The following DTNB variants were observed in gnomAD, a reference collection of about 807,000 sequenced individuals.
DTNB encodes dystrobrevin beta.
In DTNB, 63 loss-of-function variants were observed where a neutral mutation model predicts 90.7. The observed-to-expected ratio is 0.69, with a 90% CI of 0.57 to 0.86. DTNB has a LOEUF of 0.86. Among genes scored for constraint, DTNB ranks in the 40% least tolerant of loss-of-function variants. The pLI, the probability that DTNB is intolerant of heterozygous loss-of-function variation, is 0.00. For missense variants in DTNB, 744 were observed against 807.1 expected, an observed-to-expected ratio of 0.92 and a Z score of 0.95; for synonymous variants, 277 against 286.7, an observed-to-expected ratio of 0.97 and a Z score of 0.34.
At chr2:25,603,916 T>C (rs923843179) in intron 5 of DTNB, among the ~76,000 whole-genome samples, 1 of 152,190 alleles carries the variant, frequency 6.6e-6, no homozygotes, top group African/African-American at 2.4e-5. Context: ...AAGTAGGACA[T>C]TGCTGAGAAC....
chr2:25,553,129 T>A (rs1437641635), intron 8 of DTNB, among the ~76,000 whole-genome samples: 3 of 151,980 alleles, frequency 2.0e-5, no homozygotes, highest in Non-Finnish European at 4.4e-5. Flanking sequence ...CAGTTGATAT[T>A]TTTTTAAGAG....
chr2:25,408,722 A>C (rs2045903602), intron 16 of DTNB, among the ~76,000 whole-genome samples: 1 of 152,098 alleles, frequency 6.6e-6, no homozygotes, highest in African/African-American at 2.4e-5. Flanking sequence ...GAGTCTATGG[A>C]ACTTGTTATA....
intron 4 of DTNB, among the ~76,000 whole-genome samples, chr2:25,610,028 A>T (rs937806741): frequency 6.6e-6 from 1 of 152,216 alleles, no homozygotes; most frequent in African/African-American, 2.4e-5. Flanking sequence ...AATTTTGTAG[A>T]TGTCATAAGT....
intron 12 of DTNB, among the ~76,000 whole-genome samples, chr2:25,446,657 G>T (rs2058474776): frequency 6.6e-6 from 1 of 152,016 alleles, no homozygotes; most frequent in Non-Finnish European, 1.5e-5. Flanking sequence ...CGTCTTATGT[G>T]TTTGCTTTCT....
intron 8 of DTNB, among the ~76,000 whole-genome samples, chr2:25,557,605 C>T (rs1338720873): frequency 6.6e-6 from 1 of 152,164 alleles, no homozygotes; most frequent in Non-Finnish European, 1.5e-5. Context: ...TAAAACAAAG[C>T]AGATTCCTCA....
At chr2:25,455,828 A>T (rs1277132926) in intron 10 of DTNB, among the ~76,000 whole-genome samples, 1 of 152,210 alleles carries the variant, frequency 6.6e-6, no homozygotes. Flanking sequence ...ACTTTTTAGA[A>T]GATGCCTTCT....
chr2:25,427,326 C>T, intron 15 of DTNB: 1 of 498,918 alleles, frequency 2.0e-6, no homozygotes, highest in East Asian at 3.5e-5. Context: ...AGACATTATC[C>T]TATTTCCAGT....
rs1275566489 is a variant in DTNB, at chr2:25,383,767, G to C, written c.1879+69C>G. ...TGGCAGGGAGGAATGCAGAAACAAA[G>C]TGGGGGGCGGCTGATCCATGAGCTC... On this transcript the variant is annotated intron_variant, in intron 19 of 20. Transcript: ENST00000406818. 5 of 1,613,500 alleles carry C rather than the reference G, an allele frequency of 3.1e-6. No individual in the cohort carries two copies. The African/African-American group carries it at 6.7e-5, about 22-fold the overall frequency.
intron 10 of DTNB, among the ~76,000 whole-genome samples, chr2:25,461,571 G>A (rs2060952714): frequency 6.6e-6 from 1 of 152,122 alleles, no homozygotes; most frequent in Non-Finnish European, 1.5e-5. Context: ...TTCCTAAACT[G>A]TCAAATGTCA....
chr2:25,550,368 G>A (rs908796213), intron 8 of DTNB, among the ~76,000 whole-genome samples: 20 of 152,130 alleles, frequency 1.3e-4, no homozygotes, highest in Non-Finnish European at 1.5e-5. Flanking sequence ...TCCAGCCTGG[G>A]TGAAAGAGCG....
chr2:25,414,157 T>A (rs1574049807), intron 16 of DTNB, among the ~76,000 whole-genome samples: 1 of 152,310 alleles, frequency 6.6e-6, no homozygotes. Flanking sequence ...GTTTGAGTTC[T>A]TTGTAGATTC....
At chr2:25,391,824 T>C (rs1227572273) in intron 16 of DTNB, among the ~76,000 whole-genome samples, 1 of 152,154 alleles carries the variant, frequency 6.6e-6, no homozygotes, top group Non-Finnish European at 1.5e-5. Context: ...TGAATGATGG[T>C]TGGATCAACA....
At chr2:25,638,904 A>T in intron 3 of DTNB, 110 bp downstream of exon 3, 1 of 1,123,742 alleles carries the variant, frequency 8.9e-7, no homozygotes, top group Non-Finnish European at 1.2e-6. Context: ...ATAAATACTT[A>T]AGACAAAAAT....
At chr2:25,428,969 T>C (rs969101565) in intron 14 of DTNB, among the ~76,000 whole-genome samples, 2 of 152,212 alleles carry the variant, frequency 1.3e-5, no homozygotes, top group Non-Finnish European at 2.9e-5. Context: ...CTATGTTCAT[T>C]TCATCATCCC....
intron 4 of DTNB, among the ~76,000 whole-genome samples, chr2:25,624,405 T>C (rs2073629028): frequency 6.6e-6 from 1 of 152,210 alleles, no homozygotes; most frequent in Non-Finnish European, 1.5e-5. Flanking sequence ...TAACCTCAAC[T>C]TCAAAGAGGA....
chr2:25,481,702 G>C (rs1393651211), intron 10 of DTNB: 1 of 152,192 alleles, frequency 6.6e-6, no homozygotes, highest in East Asian at 1.9e-4. Flanking sequence ...CACTTTACTC[G>C]TTAGCTTCCT....
chr2:25,484,686 T>C (rs998350765), intron 9 of DTNB, among the ~76,000 whole-genome samples: 1 of 152,240 alleles, frequency 6.6e-6, no homozygotes, highest in Non-Finnish European at 1.5e-5. Flanking sequence ...TAAGCCATAG[T>C]ACTATGCTTA....
At chr2:25,536,563 G>C (rs1039856750) in intron 8 of DTNB, among the ~76,000 whole-genome samples, 2 of 152,180 alleles carry the variant, frequency 1.3e-5, no homozygotes, top group Non-Finnish European at 2.9e-5. Context: ...CCCCTAAGGA[G>C]TGGCGGCGTG....
chr2:25,507,050 C>G (rs536307784), intron 9 of DTNB, among the ~76,000 whole-genome samples: 51 of 152,204 alleles, frequency 3.4e-4, no homozygotes, highest in Non-Finnish European at 5.3e-4. Flanking sequence ...ACTGAATAAC[C>G]ATGTTAAGAA....
Sources: allele counts gnomAD v4.1 joint callset (sites outside exome capture counted in the v4.1 genomes callset), GRCh38; gene constraint gnomAD v4.1.1; transcripts MANE v1.5; gene names NCBI Gene and HGNC (gene_info 2026-07-23, HGNC 2026-07-21).